Variants in CNOT2 observed in about 807,000 individuals in gnomAD.
CNOT2 encodes the protein CC chemokine receptor 4-negative regulator of transcription 2.
A neutral mutation model predicts 72.1 loss-of-function variants in CNOT2; 7 were observed. The ratio of observed to expected loss-of-function variants is 0.10; its 90% CI spans 0.06 to 0.18. CNOT2 has a LOEUF of 0.18. CNOT2 is among the 10% of genes least tolerant of loss of function. CNOT2 has a pLI of 1.00. For missense variants in CNOT2, 345 were observed against 660.3 expected, an observed-to-expected ratio of 0.52 and a Z score of 5.23; for synonymous variants, 196 against 225.6, an observed-to-expected ratio of 0.87 and a Z score of 1.17.
At chr12:70,245,527 A>G (rs1374545274) in intron 1 of CNOT2, among the ~76,000 whole-genome samples, 1 of 152,182 alleles carries the variant, frequency 6.6e-6, no homozygotes, top group Non-Finnish European at 1.5e-5. Flanking sequence ...AGATATCTGT[A>G]ACCTAATCTG....
In CNOT2 at chr12:70,283,310, C is replaced by T. The variant is rs553983374; in HGVS notation, c.48+5036C>T. Among the ~76,000 whole-genome samples, 15 of 151,956 alleles carry T rather than the reference C, an allele frequency of 9.9e-5. No homozygotes were observed. The South Asian group carries it at 2.9e-3, about 29-fold the overall frequency. On this transcript the variant is annotated intron_variant, in intron 2 of 15. Coordinates refer to ENST00000229195, the MANE Select transcript of CNOT2 (RefSeq NM_014515.7). ...TAAAGAACACTTAATAAAATAAAAT[C>T]ATAGCTGAGTGTAGTGCTGTGCACC... is the stretch of plus-strand genomic sequence containing the variant.
At chr12:70,330,806 C>G (rs754259224) in intron 6 of CNOT2, 4 of 191,968 alleles carry the variant, frequency 2.1e-5, no homozygotes, top group African/African-American at 7.0e-5. Context: ...ATGAATAGAA[C>G]TGGAGACATG....
intron 1 of CNOT2, among the ~76,000 whole-genome samples, chr12:70,277,878 T>C (rs1379097124): frequency 6.6e-6 from 1 of 152,138 alleles, no homozygotes; most frequent in Admixed American, 6.5e-5. Flanking sequence ...AATTTCTCCC[T>C]TGTGTGTGAT....
intron 1 of CNOT2, among the ~76,000 whole-genome samples, chr12:70,255,008 GA>G (rs887419813): frequency 2.7e-5 from 4 of 149,616 alleles, no homozygotes; most frequent in East Asian, 2.0e-4. Flanking sequence ...AGAAGAAGAA[GA>G]AAAAAAGAAA....
At chr12:70,297,693 A>G in intron 2 of CNOT2, 1 of 303,154 alleles carries the variant, frequency 3.3e-6, no homozygotes, top group Non-Finnish European at 6.4e-6. Context: ...TATAGCTTTT[A>G]GTAGTTATTT....
At chr12:70,345,972 G>A (rs1386966300) in intron 14 of CNOT2, 2 of 449,880 alleles carry the variant, frequency 4.4e-6, no homozygotes, top group African/African-American at 4.1e-5. Context: ...GTATTAATTA[G>A]TGTGCCTTCT....
At chr12:70,305,876 T>TTTG (rs1555198860) in intron 2 of CNOT2, among the ~76,000 whole-genome samples, 2 of 146,898 alleles carry the variant, frequency 1.4e-5, no homozygotes, top group East Asian at 2.0e-4. Context: ...GAAGTTTGTT[T>TTTG]TTTTTTTTTT....
intron 2 of CNOT2, among the ~76,000 whole-genome samples, chr12:70,298,997 C>G (rs973627781): frequency 1.3e-5 from 2 of 152,026 alleles, no homozygotes; most frequent in Admixed American, 6.6e-5. Context: ...GTGGCTTGTT[C>G]TAGTGTATTA....
At chr12:70,288,136 CTTTTTTTTTTTTT>C (rs68143994) in intron 2 of CNOT2, among the ~76,000 whole-genome samples, 1 of 86,668 alleles carries the variant, frequency 1.2e-5, no homozygotes, top group Non-Finnish European at 2.2e-5. Context: ...TGGTGTAGCT[CTTTTTTTTTTTTT>C]TTTTTTTTTT....
chr12:70,298,121 A>G (rs1342689612), intron 2 of CNOT2, among the ~76,000 whole-genome samples: 1 of 152,200 alleles, frequency 6.6e-6, no homozygotes, highest in Non-Finnish European at 1.5e-5. Flanking sequence ...TGTAAAATAC[A>G]TGTGATTAGT....
At chr12:70,329,887 G>T (rs1272465072) in intron 5 of CNOT2, among the ~76,000 whole-genome samples, 2 of 151,994 alleles carry the variant, frequency 1.3e-5, no homozygotes, top group Non-Finnish European at 2.9e-5. Flanking sequence ...AGATGATTGT[G>T]ATCATTGCTC....
At chr12:70,243,173 C>T (rs985029479), upstream of CNOT2, 5 of 152,382 alleles carry the variant, frequency 3.3e-5, no homozygotes, top group African/African-American at 1.2e-4. Context: ...GCCCCGCTCT[C>T]TGTAACGGCC....
At chr12:70,307,962 C>T (rs1376085233) in intron 2 of CNOT2, 1 of 151,940 alleles carries the variant, frequency 6.6e-6, no homozygotes, top group Non-Finnish European at 1.5e-5. Flanking sequence ...TCTTGATTTC[C>T]CGTCTAACAA....
At chr12:70,248,548 T>C (rs536332827) in intron 1 of CNOT2, among the ~76,000 whole-genome samples, 1 of 152,296 alleles carries the variant, frequency 6.6e-6, no homozygotes, top group African/African-American at 2.4e-5. Context: ...TACAACATTT[T>C]ACCTTTCTCA....
At chr12:70,322,830 G>T (rs1878507852) in intron 4 of CNOT2, 1 of 151,774 alleles carries the variant, frequency 6.6e-6, no homozygotes, top group South Asian at 2.1e-4. Context: ...GACATATTTT[G>T]GTTGCTTTCG....
rs929314432 is a variant in CNOT2, at chr12:70,278,149, G to A, written c.-78G>A. 1.4e-5 allele frequency: 14 copies of A among 1,021,186 alleles called. No homozygotes were observed. Among genetic ancestry groups the A allele is most frequent in the African/African-American group, 9.6e-5 (6 of 62,796 alleles). The allele number at this position is 1,021,186 out of a possible 1,614,324, so 63.3% of individuals were successfully genotyped here. ...CACTCTAGAGGGAGACGTGGTGGGC[G>A]GTCCTTCCTGTGACACGACCCTTGA... is the stretch of plus-strand genomic sequence containing the variant. On this transcript the variant is annotated 5_prime_UTR_variant, in exon 2 of 16. Transcript: ENST00000229195.
At chr12:70,348,720 AGTTAAAT>A (rs1882510220) in intron 15 of CNOT2, among the ~76,000 whole-genome samples, 1 of 152,138 alleles carries the variant, frequency 6.6e-6, no homozygotes, top group Non-Finnish European at 1.5e-5. Context: ...CTCCTCATGA[AGTTAAAT>A]ATTTAGAAAA....
intron 14 of CNOT2, chr12:70,345,406 T>G (rs1168144854): frequency 3.3e-5 from 5 of 152,302 alleles, no homozygotes; most frequent in South Asian, 4.1e-4. Flanking sequence ...TAATTGTTCA[T>G]AAGTAAATAA....
intron 2 of CNOT2, chr12:70,301,905 T>G (rs543813680): frequency 2.6e-5 from 4 of 152,222 alleles, no homozygotes; most frequent in Admixed American, 6.5e-5. Flanking sequence ...GAGCCTGTTA[T>G]TGGTCTATTC....
Sources: gnomAD v4.1 joint callset for allele counts (sites outside exome capture counted in the v4.1 genomes callset) on GRCh38, gnomAD v4.1.1 for gene constraint, MANE v1.5 for transcripts, NCBI Gene and HGNC (gene_info 2026-07-23, HGNC 2026-07-21) for gene names.